The following KCTD16 variants were observed in gnomAD, a reference collection of about 807,000 sequenced individuals.
KCTD16 encodes potassium channel tetramerization domain containing 16.
In KCTD16, 13 loss-of-function variants were observed where a neutral mutation model predicts 33.2. The ratio of observed to expected loss-of-function variants is 0.39; its 90% CI spans 0.25 to 0.62. KCTD16 has a LOEUF of 0.62. Ranked by LOEUF, KCTD16 falls within the 20% of genes least tolerant of loss-of-function variation. KCTD16 has a pLI of 0.50. For synonymous variants in KCTD16, 197 were observed against 195.3 expected, an observed-to-expected ratio of 1.01 and a Z score of -0.07; for missense variants, 441 against 525.1, an observed-to-expected ratio of 0.84 and a Z score of 1.57.
intron 3 of KCTD16, among the ~76,000 whole-genome samples, chr5:144,221,019 A>G (rs1753732829): frequency 6.6e-6 from 1 of 152,130 alleles, no homozygotes; most frequent in African/African-American, 2.4e-5. Context: ...AGGTTAAGAG[A>G]TGTGGACAGG....
chr5:144,417,951 T>G (rs555886919), intron 3 of KCTD16, among the ~76,000 whole-genome samples: 1 of 152,134 alleles, frequency 6.6e-6, no homozygotes, highest in African/African-American at 2.4e-5. Flanking sequence ...AAAGATGGTG[T>G]GTCCGGAGTT....
chr5:144,360,885 TA>T (rs1358868716), intron 3 of KCTD16, among the ~76,000 whole-genome samples: 4 of 151,808 alleles, frequency 2.6e-5, no homozygotes, highest in African/African-American at 4.9e-5. Context: ...TCTTTTTTTT[TA>T]TTTTTTTTGG....
rs191919061 is a variant in KCTD16, at chr5:144,206,830, G to T, written c.116G>T (p.Arg39Leu). 5 of 1,614,050 alleles carry T rather than the reference G, an allele frequency of 3.1e-6. No individual in the cohort carries two copies. The highest frequency in any genetic ancestry group is 4.2e-6 in the Non-Finnish European group (5 of 1,179,998). Residue 39 changes from arginine (R) to leucine (L), a missense_variant, in exon 3 of 4, where the codon CGC becomes CTC. Physicochemically the swap from Arg to Leu is moderately radical, Grantham distance 102. Around this residue, in one of 3 missense-constraint regions of KCTD16, gnomAD observed 80 missense variants for 88.5 expected, o/e 0.90. Coordinates refer to ENST00000512467, the MANE Select transcript of KCTD16 (RefSeq NM_020768.4). ...GTCGGGGGTCAAGTTTATTTTACTC[G>T]CCATTCCACATTGATAAGCATCCCT... The part of the protein sequence containing the change: ...LNVGGQVYFT[R>L]HSTLISIPHS...
intron 3 of KCTD16, among the ~76,000 whole-genome samples, chr5:144,442,891 T>TTTG (rs993672751): frequency 1.2e-4 from 18 of 152,044 alleles, no homozygotes; most frequent in African/African-American, 3.9e-4. Context: ...GTCCCTGGTT[T>TTTG]TTGTTGTTGT....
chr5:144,439,002 C>T (rs1434695050), intron 3 of KCTD16, among the ~76,000 whole-genome samples: 1 of 152,088 alleles, frequency 6.6e-6, no homozygotes, highest in South Asian at 2.1e-4. Flanking sequence ...CTGTGTCTTG[C>T]ACATGTTCCT....
At chr5:144,192,376 C>A (rs1325122363) in intron 2 of KCTD16, among the ~76,000 whole-genome samples, 2 of 152,156 alleles carry the variant, frequency 1.3e-5, no homozygotes, top group African/African-American at 4.8e-5. Flanking sequence ...ATGTGATACA[C>A]GATTTCATTC....
At chr5:144,344,822 A>G (rs1181772638) in intron 3 of KCTD16, among the ~76,000 whole-genome samples, 1 of 150,470 alleles carries the variant, frequency 6.6e-6, no homozygotes, top group Non-Finnish European at 1.5e-5. Context: ...CTAGAACTAG[A>G]AATACCATTT....
chr5:144,414,032 C>A (rs1468879138), intron 3 of KCTD16, among the ~76,000 whole-genome samples: 1 of 152,078 alleles, frequency 6.6e-6, no homozygotes, highest in Non-Finnish European at 1.5e-5. Context: ...GTGTAAGTAT[C>A]CCCAGTGGAT....
At chr5:144,441,701 C>T (rs1467446061) in intron 3 of KCTD16, among the ~76,000 whole-genome samples, 4 of 150,756 alleles carry the variant, frequency 2.7e-5, no homozygotes, top group Admixed American at 6.6e-5. Context: ...TATGTAGTAC[C>T]ACACTGTCTT....
At chr5:144,356,371 C>A (rs1751571712) in intron 3 of KCTD16, among the ~76,000 whole-genome samples, 1 of 152,064 alleles carries the variant, frequency 6.6e-6, no homozygotes, top group Non-Finnish European at 1.5e-5. Context: ...TTCAAACAAA[C>A]CTTTAATCTC....
intron 3 of KCTD16, among the ~76,000 whole-genome samples, chr5:144,209,226 G>A (rs6880529): frequency 6.6e-6 from 1 of 152,150 alleles, no homozygotes; most frequent in South Asian, 2.1e-4. Context: ...TGGATTTATA[G>A]TCACTTGCTT....
At position 144,207,167 on chromosome 5, in the gene KCTD16, C is replaced by G. The variant is rs772665965; in HGVS notation, c.453C>G (p.Cys151Trp). ...DASQGSDTRI[C>W]PPSSLLPADR... The stretch of plus-strand genomic sequence containing the variant: ...CCCAAGGAAGCGACACAAGAATCTG[C>G]CCCCCTTCCTCCCTGCTCCCTGCCG... Residue 151 changes from cysteine (C) to tryptophan (W), a missense_variant, in exon 3 of 4, where the codon TGC becomes TGG. Cys to Trp is a radical substitution (Grantham distance 215). Around this residue, in one of 3 missense-constraint regions of KCTD16, gnomAD observed 355 missense variants for 413.0 expected, o/e 0.86. Coordinates refer to ENST00000512467, the MANE Select transcript of KCTD16 (RefSeq NM_020768.4). 6 of 1,612,374 alleles carry G rather than the reference C, an allele frequency of 3.7e-6. No homozygotes were observed. The Admixed American group carries it at 1.0e-4, about 27-fold the overall frequency.
intron 3 of KCTD16, among the ~76,000 whole-genome samples, chr5:144,275,050 G>A (rs1349181358): frequency 2.0e-5 from 3 of 152,010 alleles, no homozygotes; most frequent in Non-Finnish European, 2.9e-5. Context: ...AATGCAAATC[G>A]GTCTTCCTAT....
chr5:144,418,934 G>A (rs1753147314), intron 3 of KCTD16, among the ~76,000 whole-genome samples: 1 of 151,956 alleles, frequency 6.6e-6, no homozygotes. Flanking sequence ...GTTATGTTTG[G>A]AACACAGAAC....
chr5:144,191,464 A>G (rs1752840635), intron 2 of KCTD16, among the ~76,000 whole-genome samples: 1 of 131,304 alleles, frequency 7.6e-6, no homozygotes, highest in Admixed American at 7.2e-5. Flanking sequence ...ACACTTACAC[A>G]CATATTTTTT....
At chr5:144,461,660 T>G (rs186088065) in intron 3 of KCTD16, among the ~76,000 whole-genome samples, 75 of 152,340 alleles carry the variant, frequency 4.9e-4, no homozygotes, top group African/African-American at 1.7e-3. Flanking sequence ...CGCTCTGTTG[T>G]GGCTCCTCAT....
chr5:144,207,740 A>G (rs747364606), intron 3 of KCTD16, among the ~76,000 whole-genome samples, 194 bp downstream of exon 3: 1 of 152,264 alleles, frequency 6.6e-6, no homozygotes, highest in African/African-American at 2.4e-5. Flanking sequence ...CAATGAGGTC[A>G]CAGAATATTC....
chr5:144,368,822 C>T (rs1440676301), intron 3 of KCTD16, among the ~76,000 whole-genome samples: 1 of 152,102 alleles, frequency 6.6e-6, no homozygotes, highest in East Asian at 1.9e-4. Flanking sequence ...CATCAAGAGG[C>T]CTTAGGAAGT....
chr5:144,417,029 G>A (rs960584488), intron 3 of KCTD16, among the ~76,000 whole-genome samples: 1 of 152,044 alleles, frequency 6.6e-6, no homozygotes, highest in Non-Finnish European at 1.5e-5. Flanking sequence ...ATTCCTTGAC[G>A]AGATTTAGGC....
Sources: gnomAD v4.1 joint callset for allele counts (sites outside exome capture counted in the v4.1 genomes callset) on GRCh38, gnomAD v4.1.1 for gene constraint, gnomAD v4.1.1 regional missense constraint, MANE v1.5 for transcripts, NCBI Gene and HGNC (gene_info 2026-07-23, HGNC 2026-07-21) for gene names.